The following PTPN14 variants were observed in gnomAD, a reference collection of about 807,000 sequenced individuals.
PTPN14 encodes tyrosine-protein phosphatase non-receptor type 14.
Under a neutral mutation model 126.8 loss-of-function variants are expected in PTPN14, and 53 were observed. The observed-to-expected ratio is 0.42, with a 90% CI of 0.34 to 0.53. The LOEUF (loss-of-function observed/expected upper bound fraction) is 0.53, where lower values mean the gene tolerates loss of function less well. PTPN14 is among the 20% of genes least tolerant of loss of function. PTPN14 has a pLI of 0.08. For synonymous variants in PTPN14, 630 were observed against 599.3 expected (o/e 1.05, Z -0.75); for missense variants, 1,257 against 1,552.9 (o/e 0.81, Z 3.20).
chr1:214,413,499 T>C (rs577423709), intron 4 of PTPN14, among the ~76,000 whole-genome samples: 6 of 152,292 alleles, frequency 3.9e-5, no homozygotes, highest in African/African-American at 1.4e-4. Flanking sequence ...AGCCCAGTGT[T>C]TGGGATGGGA....
intron 1 of PTPN14, among the ~76,000 whole-genome samples, chr1:214,465,675 G>C (rs1249460249): frequency 2.0e-5 from 3 of 151,876 alleles, no homozygotes; most frequent in Admixed American, 6.6e-5. Context: ...CTTGAACACT[G>C]GTGTTTTGTT....
chr1:214,471,964 C>T (rs4655351), intron 1 of PTPN14, among the ~76,000 whole-genome samples: 109,064 of 152,026 alleles, frequency 0.72, 40,266 homozygotes, highest in Middle Eastern at 0.8. Flanking sequence ...GTCTCTACAG[C>T]TCCTGGTGTA....
At chr1:214,485,417 G>A (rs914414211) in intron 1 of PTPN14, among the ~76,000 whole-genome samples, 1 of 152,218 alleles carries the variant, frequency 6.6e-6, no homozygotes, top group Non-Finnish European at 1.5e-5. Context: ...AACAAGAGGA[G>A]CATTTCATTC....
At chr1:214,518,057 T>C (rs1423451059) in intron 1 of PTPN14, among the ~76,000 whole-genome samples, 2 of 152,210 alleles carry the variant, frequency 1.3e-5, no homozygotes, top group Admixed American at 6.5e-5. Context: ...GTTGGTATCT[T>C]TTCATAACCC....
chr1:214,464,457 G>T (rs1308527879), intron 2 of PTPN14, among the ~76,000 whole-genome samples, 173 bp downstream of exon 2: 2 of 152,168 alleles, frequency 1.3e-5, no homozygotes, highest in African/African-American at 4.8e-5. Context: ...TCCAATGATG[G>T]ATAAGATCAC....
In PTPN14 at chr1:214,350,533, C is replaced by CTTTTTTTTTTTTTT. The variant is rs146640564; in HGVS notation, c.*7375_*7388dup. ...TTCTGGTTATTTTCATCCGCCAGAT[C>CTTTTTTTTTTTTTT]TTTTTTTTTTTTTTTTTTTTTTTTT... On this transcript the variant is annotated 3_prime_UTR_variant, in exon 19 of 19. Transcript: ENST00000366956. 1.8e-5 allele frequency: 1 copy of CTTTTTTTTTTTTTT among 56,990 alleles called. No individual in the cohort carries two copies. The highest frequency in any genetic ancestry group is 8.5e-4 in the South Asian group (1 of 1,178). The allele number at this position is 56,990 out of a possible 1,614,324, so 3.5% of individuals were successfully genotyped here.
chr1:214,389,120 T>G lies in PTPN14; in HGVS notation c.987+1868A>C, dbSNP rs79157709. Among the ~76,000 whole-genome samples, 1,183 of 152,356 alleles carry G rather than the reference T, an allele frequency of 7.8e-3. 14 individuals carry two copies. The highest frequency in any genetic ancestry group is 0.027 in the African/African-American group (1,122 of 41,586). On this transcript the variant is annotated intron_variant, in intron 11 of 18. Coordinates refer to ENST00000366956, the MANE Select transcript of PTPN14 (RefSeq NM_005401.5). ...TACATAATTCAACTAAATTTTTCCA[T>G]GGTAGCACAACCATTTTAAGGCTTT...
At chr1:214,477,272 A>G (rs373200591) in intron 1 of PTPN14, among the ~76,000 whole-genome samples, 1 of 152,240 alleles carries the variant, frequency 6.6e-6, no homozygotes, top group East Asian at 1.9e-4. Flanking sequence ...CAACTGATGT[A>G]ACCAAATGTT....
intron 1 of PTPN14, among the ~76,000 whole-genome samples, chr1:214,508,242 A>G (rs1571632127): frequency 6.6e-6 from 1 of 152,208 alleles, no homozygotes; most frequent in Non-Finnish European, 1.5e-5. Context: ...ACAGCATTTT[A>G]CCCACAGTAG....
intron 3 of PTPN14, among the ~76,000 whole-genome samples, chr1:214,422,688 C>A (rs112788535): frequency 1.3e-5 from 2 of 152,212 alleles, no homozygotes; most frequent in African/African-American, 4.8e-5. Flanking sequence ...AGCTACCAGG[C>A]GGAAATACAG....
chr1:214,540,467 C>T (rs1655808120), intron 1 of PTPN14, among the ~76,000 whole-genome samples: 2 of 152,148 alleles, frequency 1.3e-5, no homozygotes, highest in Non-Finnish European at 2.9e-5. Context: ...CATAATCCTC[C>T]TTTATTATGG....
Position 214,352,036 on chromosome 1 carries a change from C to T in PTPN14, c.*5886G>A, listed in dbSNP as rs1002862421. 1.8e-4 allele frequency: 28 copies of T among 152,232 alleles called. No homozygotes were observed. 9.4% of individuals were successfully genotyped at this position (152,232 alleles called of 1,614,324 possible). ...GCAGAAGGAGCAATGACTTTCCACA[C>T]AAATGCTTGTCATATTCAGGCTGCC... is the stretch of plus-strand genomic sequence containing the variant. On this transcript the variant is annotated 3_prime_UTR_variant, in exon 19 of 19. Transcript: ENST00000366956.
intron 1 of PTPN14, among the ~76,000 whole-genome samples, chr1:214,487,024 A>G (rs542260594): frequency 6.6e-6 from 1 of 152,282 alleles, no homozygotes; most frequent in South Asian, 2.1e-4. Context: ...CAAAATAATA[A>G]ATACTGGAAA....
chr1:214,473,347 A>C (rs1159864702), intron 1 of PTPN14, among the ~76,000 whole-genome samples: 2 of 152,242 alleles, frequency 1.3e-5, no homozygotes, highest in African/African-American at 4.8e-5. Flanking sequence ...TTATTGAATT[A>C]CCTGCACAGG....
intron 1 of PTPN14, chr1:214,532,916 C>T (rs571563879): frequency 1.8e-5 from 16 of 893,198 alleles, no homozygotes; most frequent in East Asian, 4.8e-5. Flanking sequence ...GACCTCGCCA[C>T]GATCATGGCA....
chr1:214,550,195 T>G (rs566213977), intron 1 of PTPN14, among the ~76,000 whole-genome samples: 1 of 64,106 alleles, frequency 1.6e-5, no homozygotes, highest in South Asian at 4.6e-4. Context: ...TTTAGCATCT[T>G]TCTATCCTGT....
intron 3 of PTPN14, among the ~76,000 whole-genome samples, chr1:214,447,462 C>T (rs981841730): frequency 5.9e-5 from 9 of 152,172 alleles, no homozygotes; most frequent in African/African-American, 1.7e-4. Context: ...CTACAACCTA[C>T]GGCATGTCTT....
chr1:214,465,950 C>CATTTTTTTTTTTT, intron 1 of PTPN14, among the ~76,000 whole-genome samples: 1 of 18,474 alleles, frequency 5.4e-5, no homozygotes, highest in East Asian at 1.1e-3. Flanking sequence ...TCAGTTACTT[C>CATTTTTTTTTTTT]CTTTTTTTTT....
At position 214,372,741 on chromosome 1, in the gene PTPN14, C is replaced by G. The variant is rs768520744; in HGVS notation, c.3006G>C (p.Val1002=). The G allele has an allele frequency of 1.2e-6, 2 of 1,614,112 alleles. No individual in the cohort carries two copies. The highest frequency in any genetic ancestry group is 1.7e-6 in the Non-Finnish European group (2 of 1,179,962). ...CTGCAGTGACCATGGCAATCACATT[C>G]ACTCCCTGCTCCCACACCATCTGCC... ...DFWQMVWEQG[V]NVIAMVTAEE... is the part of the protein sequence containing the mutation. Residue 1002 remains valine, a synonymous_variant, in exon 16 of 19, where the codon GTG becomes GTC. Transcript: ENST00000366956.
Sources: allele counts gnomAD v4.1 joint callset (sites outside exome capture counted in the v4.1 genomes callset), GRCh38; gene constraint gnomAD v4.1.1; transcripts MANE v1.5; gene names NCBI Gene and HGNC (gene_info 2026-07-23, HGNC 2026-07-21).